The following EML6 variants were observed in gnomAD, a reference collection of about 807,000 sequenced individuals.
EML6 encodes echinoderm microtubule-associated protein-like 6.
A neutral mutation model predicts 240.1 loss-of-function variants in EML6; 154 were observed. The observed-to-expected ratio is 0.64, with a 90% CI of 0.56 to 0.73. The LOEUF (loss-of-function observed/expected upper bound fraction) is 0.73. EML6 is among the 30% of genes least tolerant of loss of function. The pLI is 0.00. For synonymous variants in EML6, 1,148 were observed against 899.0 expected, an observed-to-expected ratio of 1.28 and a Z score of -4.95; for missense variants, 2,964 against 2,474.6, an observed-to-expected ratio of 1.20 and a Z score of -4.20.
intron 4 of EML6, among the ~76,000 whole-genome samples, chr2:54,818,640 A>T (rs1354400740): frequency 6.6e-6 from 1 of 152,168 alleles, no homozygotes; most frequent in African/African-American, 2.4e-5. Context: ...TAAATTGAAC[A>T]CCTCTGGATA....
chr2:54,918,363 A>G, intron 26 of EML6, among the ~76,000 whole-genome samples: 1 of 152,196 alleles, frequency 6.6e-6, no homozygotes, highest in East Asian at 1.9e-4. Flanking sequence ...TAATGAATGA[A>G]TGAATGACAG....
intron 21 of EML6, 135 bp downstream of exon 21, chr2:54,895,535 A>T (rs777973450): frequency 1.3e-6 from 1 of 772,746 alleles, no homozygotes; most frequent in African/African-American, 1.8e-5. Flanking sequence ...CTAGTTACCT[A>T]TTGCTGTGTA....
chr2:54,841,892 C>T (rs1669478913), intron 7 of EML6, among the ~76,000 whole-genome samples: 1 of 151,418 alleles, frequency 6.6e-6, no homozygotes, highest in African/African-American at 2.4e-5. Context: ...CGTGCCTTGC[C>T]ATTTTTTTTT....
Position 54,844,256 on chromosome 2 carries a change from C to A in EML6, c.1049+8C>A, listed in dbSNP as rs1669631321. 6.5e-7 allele frequency: 1 copy of A among 1,550,078 alleles called. No individual in the cohort carries two copies. Among genetic ancestry groups the A allele is most frequent in the Non-Finnish European group, 8.7e-7 (1 of 1,145,768 alleles). The stretch of plus-strand genomic sequence containing the variant: ...CGATGACCGCTCTGTCAGGTGAGGC[C>A]CTACCGCCGTCACCTCTCTGACTTC... On this transcript the variant is annotated splice_region_variant and intron_variant, in intron 8 of 41. Coordinates refer to ENST00000356458, the MANE Select transcript of EML6 (RefSeq NM_001039753.4).
chr2:54,760,659 G>T (rs576693829), intron 2 of EML6, among the ~76,000 whole-genome samples: 4 of 152,054 alleles, frequency 2.6e-5, no homozygotes, highest in African/African-American at 9.6e-5. Context: ...AATTTTATCT[G>T]GGTTTTCTTT....
chr2:54,877,552 C>T (rs1172021711), intron 16 of EML6, among the ~76,000 whole-genome samples: 1 of 152,048 alleles, frequency 6.6e-6, no homozygotes, highest in Non-Finnish European at 1.5e-5. Context: ...AACAACCAGA[C>T]CATATCAAGA....
At chr2:54,951,494 A>C (rs1051423335) in intron 30 of EML6, among the ~76,000 whole-genome samples, 1 of 152,062 alleles carries the variant, frequency 6.6e-6, no homozygotes, top group African/African-American at 2.4e-5. Context: ...GCAGTGAGCC[A>C]AGATCGCGCC....
intron 7 of EML6, among the ~76,000 whole-genome samples, chr2:54,831,759 T>C (rs1361270816): frequency 6.6e-6 from 1 of 152,096 alleles, no homozygotes; most frequent in East Asian, 1.9e-4. Context: ...GTATAGATCA[T>C]GTTCCAGTTT....
intron 13 of EML6, 134 bp from the exon 14 acceptor site, chr2:54,866,632 A>T: frequency 2.0e-6 from 1 of 491,896 alleles, no homozygotes; most frequent in South Asian, 4.2e-5. Flanking sequence ...AAAAAGTAAT[A>T]TTCATTCTCA....
At chr2:54,732,008 G>A (rs931236311) in intron 2 of EML6, among the ~76,000 whole-genome samples, 2 of 152,178 alleles carry the variant, frequency 1.3e-5, no homozygotes, top group Non-Finnish European at 1.5e-5. Context: ...GCTGCTGGGT[G>A]TGAAATGATA....
intron 2 of EML6, among the ~76,000 whole-genome samples, chr2:54,796,083 CAA>C (rs1669751516): frequency 6.6e-6 from 1 of 151,846 alleles, no homozygotes. Flanking sequence ...AAAATTATAA[CAA>C]GGATTTCAAA....
Position 54,968,038 on chromosome 2 carries a change from C to T in EML6, c.5598-90C>T, listed in dbSNP as rs1167848461. On this transcript the variant is annotated intron_variant, in intron 39 of 41. Coordinates refer to ENST00000356458, the MANE Select transcript of EML6 (RefSeq NM_001039753.4). ...GGGACCCCTGATGTTAAACATCCCT[C>T]TCTTCCTTATCCCTGGGAGGTGATG... The T allele has an allele frequency of 2.4e-5, 31 of 1,299,172 alleles. No homozygotes were observed. In the Admixed American group the frequency reaches 6.3e-4, roughly 26 times the overall value. 80.5% of individuals were successfully genotyped at this position (1,299,172 alleles called of 1,614,324 possible). A position where few individuals can be genotyped will look rare whatever the true frequency, so the allele number is the denominator to read the frequency against.
chr2:54,775,315 C>A (rs1016370536), intron 2 of EML6, among the ~76,000 whole-genome samples: 13 of 152,336 alleles, frequency 8.5e-5, no homozygotes, highest in Admixed American at 8.5e-4. Context: ...ATTTCTGTCC[C>A]AGCCATTTTG....
chr2:54,872,109 C>T (rs1027385105), intron 16 of EML6, among the ~76,000 whole-genome samples: 5 of 151,964 alleles, frequency 3.3e-5, no homozygotes, highest in African/African-American at 9.7e-5. Flanking sequence ...ACTTTTATAT[C>T]GAAAAAATAG....
At chr2:54,867,215 A>T in intron 14 of EML6, 1 of 182,000 alleles carries the variant, frequency 5.5e-6, no homozygotes, top group Non-Finnish European at 1.1e-5. Context: ...CCTTTCCCCT[A>T]ATCCCCTGCT....
At chr2:54,742,080 GA>G (rs1356045380) in intron 2 of EML6, among the ~76,000 whole-genome samples, 3 of 151,970 alleles carry the variant, frequency 2.0e-5, no homozygotes, top group Non-Finnish European at 4.4e-5. Context: ...ACCATTAAAA[GA>G]AAAAAAGATT....
At chr2:54,927,520 C>T (rs1174197683) in intron 26 of EML6, among the ~76,000 whole-genome samples, 1 of 152,178 alleles carries the variant, frequency 6.6e-6, no homozygotes, top group Non-Finnish European at 1.5e-5. Flanking sequence ...CTTTAAATGG[C>T]TCCCGCTGCA....
At chr2:54,790,960 C>T (rs999709745) in intron 2 of EML6, among the ~76,000 whole-genome samples, 6 of 151,958 alleles carry the variant, frequency 3.9e-5, no homozygotes, top group Non-Finnish European at 8.8e-5. Context: ...CTCCTGACCT[C>T]GTGATCCGCC....
intron 15 of EML6, among the ~76,000 whole-genome samples, chr2:54,869,712 A>T (rs888970222): frequency 6.6e-6 from 1 of 152,206 alleles, no homozygotes; most frequent in African/African-American, 2.4e-5. Flanking sequence ...ATATTTATTG[A>T]ATGAACCATT....
Sources: allele counts gnomAD v4.1 joint callset (sites outside exome capture counted in the v4.1 genomes callset), GRCh38; gene constraint gnomAD v4.1.1; transcripts MANE v1.5; gene names NCBI Gene and HGNC (gene_info 2026-07-23, HGNC 2026-07-21).